Variants in MED13 observed in about 807,000 individuals in gnomAD.
The protein encoded by MED13 is mediator complex subunit 13.
Under a neutral mutation model 225.2 loss-of-function variants are expected in MED13, and 23 were observed. That is an observed-to-expected ratio of 0.10 (90% CI 0.07 to 0.14). The LOEUF (loss-of-function observed/expected upper bound fraction) is 0.14, where lower values mean the gene tolerates loss of function less well. MED13 is among the 10% of genes least tolerant of loss of function. The probability of loss-of-function intolerance (pLI) is 1.00; values close to 1 mark genes in which losing one functional copy is unlikely to be tolerated. For synonymous variants in MED13, 942 were observed against 889.2 expected, an observed-to-expected ratio of 1.06 and a Z score of -1.06; for missense variants, 2,197 against 2,594.5, an observed-to-expected ratio of 0.85 and a Z score of 3.33.
At chr17:61,953,206 A>G in intron 26 of MED13, 93 bp from the exon 27 acceptor site, 2 of 1,294,530 alleles carry the variant, frequency 1.5e-6, no homozygotes, top group East Asian at 2.5e-5. Flanking sequence ...AATTTTAACC[A>G]AAATGGGTTA....
chr17:62,021,778 G>A (rs773749463), intron 8 of MED13, among the ~76,000 whole-genome samples: 6 of 152,038 alleles, frequency 3.9e-5, no homozygotes, highest in African/African-American at 7.2e-5. Context: ...GATGTCACAC[G>A]TACTTAAATA....
rs78562575 is a variant in MED13 at position 61,980,700 on chromosome 17, T to C, written c.3805+1498A>G. 6.2e-3 allele frequency among the ~76,000 whole-genome samples: 949 copies of C among 152,290 alleles called. 10 individuals carry two copies. The highest frequency in any genetic ancestry group is 7.6e-3 in the Non-Finnish European group (516 of 68,024). ...CTGAAACTGCCTTCCAACTGATTTATCCTGCTTCTGTTCTCACTTTCACTA... is the reference window on the plus strand; with the variant it reads ...CTGAAACTGCCTTCCAACTGATTTACCCTGCTTCTGTTCTCACTTTCACTA... On this transcript the variant is annotated intron_variant, in intron 16 of 29. Coordinates refer to ENST00000397786, the MANE Select transcript of MED13 (RefSeq NM_005121.3).
intron 8 of MED13, among the ~76,000 whole-genome samples, chr17:62,020,857 C>T (rs1448458785): frequency 2.0e-5 from 3 of 151,906 alleles, no homozygotes; most frequent in Non-Finnish European, 4.4e-5. Context: ...GTTTGTGTCC[C>T]TGGGTACTTG....
At chr17:61,955,937 A>G in intron 24 of MED13, 99 bp from the exon 25 acceptor site, 1 of 1,375,844 alleles carries the variant, frequency 7.3e-7, no homozygotes, top group Non-Finnish European at 9.4e-7. Context: ...TAAAATATAA[A>G]AATAGTTAAT....
chr17:61,970,062 CAA>C (rs1180123502), intron 17 of MED13, among the ~76,000 whole-genome samples: 3 of 152,116 alleles, frequency 2.0e-5, no homozygotes, highest in South Asian at 4.1e-4. Context: ...TAATAGCAAA[CAA>C]TGATAATTCT....
intron 8 of MED13, among the ~76,000 whole-genome samples, chr17:62,013,692 G>C (rs1315823936): frequency 6.6e-6 from 1 of 152,188 alleles, no homozygotes; most frequent in Non-Finnish European, 1.5e-5. Context: ...AAAGAGGTCA[G>C]AGATTTCGGA....
At chr17:61,946,721 C>A in intron 29 of MED13, 121 bp from the exon 30 acceptor site, 1 of 1,281,838 alleles carries the variant, frequency 7.8e-7, no homozygotes, top group Non-Finnish European at 1.1e-6. Flanking sequence ...ACAGAGAGTC[C>A]TTGAGGGGAA....
At chr17:62,022,171 A>AT (rs1169985352) in intron 8 of MED13, among the ~76,000 whole-genome samples, 102 of 93,934 alleles carry the variant, frequency 1.1e-3, no homozygotes, top group African/African-American at 2.3e-3. Context: ...GTCTCAAAAA[A>AT]AAAATATATA....
At chr17:61,984,098 C>T in intron 15 of MED13, 73 bp downstream of exon 15, 3 of 1,114,372 alleles carry the variant, frequency 2.7e-6, no homozygotes, top group African/African-American at 3.2e-5. Context: ...TTCCAGCATA[C>T]CAGGTAAATC....
In MED13 at chr17:61,982,213, A is replaced by C; in HGVS notation, c.3790T>G (p.Trp1264Gly). 1 of 1,611,166 alleles carries C rather than the reference A, an allele frequency of 6.2e-7. No homozygotes were observed. The highest frequency in any genetic ancestry group is 8.5e-7 in the Non-Finnish European group (1 of 1,178,430). Residue 1264 changes from tryptophan to glycine, a missense_variant, in exon 16 of 30, where the codon TGG (tryptophan) becomes GGG (glycine). Physicochemically the swap from Trp to Gly is radical, Grantham distance 184. This residue lies in a region of MED13 where 203 missense variants were observed against 209.7 expected (regional missense o/e 0.97). Coordinates refer to ENST00000397786, the MANE Select transcript of MED13 (RefSeq NM_005121.3). ...ALVKSSCLHP[W>G]SKRNDVSMQC... The stretch of plus-strand genomic sequence containing the variant: ...CATACTTTACCGTTTCTTTTGGACC[A>C]GGGGTGTAAGCATGAACTTTTCACA...
intron 3 of MED13, among the ~76,000 whole-genome samples, chr17:62,037,118 T>C (rs1381428531): frequency 6.6e-6 from 1 of 152,100 alleles, no homozygotes; most frequent in Admixed American, 6.6e-5. Context: ...CCAGGCGCAG[T>C]GGCAGGTGCC....
intron 9 of MED13, among the ~76,000 whole-genome samples, chr17:62,009,085 A>C (rs2080482167): frequency 6.6e-6 from 1 of 152,220 alleles, no homozygotes; most frequent in South Asian, 2.1e-4. Flanking sequence ...AAGGAATCGT[A>C]ATCTTTGTAC....
intron 8 of MED13, among the ~76,000 whole-genome samples, chr17:62,025,548 T>C (rs2080693065): frequency 6.6e-6 from 1 of 152,140 alleles, no homozygotes; most frequent in Non-Finnish European, 1.5e-5. Context: ...CGCGTGCCTA[T>C]AGTCCTGGCT....
At chr17:61,949,060 C>T (rs1567936046) in intron 28 of MED13, among the ~76,000 whole-genome samples, 1 of 150,730 alleles carries the variant, frequency 6.6e-6, no homozygotes, top group Non-Finnish European at 1.5e-5. Flanking sequence ...TGCACTCCAG[C>T]CTGGGCGACA....
rs1306943687 is a variant in MED13 at position 61,943,873 on chromosome 17, A to G, written c.*2595T>C. 2.6e-5 allele frequency: 4 copies of G among 152,626 alleles called. No homozygotes were observed. Among genetic ancestry groups the G allele is most frequent in the Non-Finnish European group, 5.9e-5 (4 of 68,020 alleles). The allele number at this position is 152,626 out of a possible 1,614,324, so 9.5% of individuals were successfully genotyped here. ...AAAAAAAAGATGTTAGCACTGTAAC[A>G]AAGAAGTCAAGGTGTTGGTAATCCA... On this transcript the variant is annotated 3_prime_UTR_variant, in exon 30 of 30. Coordinates refer to ENST00000397786, the MANE Select transcript of MED13 (RefSeq NM_005121.3).
intron 8 of MED13, among the ~76,000 whole-genome samples, chr17:62,017,220 A>T (rs1054580100): frequency 9.8e-5 from 7 of 71,738 alleles, no homozygotes; most frequent in South Asian, 7.9e-4. Flanking sequence ...CTAAAATGCT[A>T]AAAAAAAAAA....
chr17:62,010,699 C>A lies in MED13; in HGVS notation c.1818G>T (p.Leu606Phe). The A allele has an allele frequency of 6.4e-7, 1 of 1,560,050 alleles. No homozygotes were observed. The highest frequency in any genetic ancestry group is 8.7e-7 in the Non-Finnish European group (1 of 1,151,784). Residue 606 changes from leucine to phenylalanine, a missense_variant, in exon 9 of 30, where the codon TTG (leucine) becomes TTT (phenylalanine). Leu to Phe is a conservative substitution (Grantham distance 22). Around this residue, in one of 12 missense-constraint regions of MED13, gnomAD observed 884 missense variants for 918.5 expected, o/e 0.96. Transcript: ENST00000397786. ...PTVYVGTAVNLEEDEANIAWK... is the reference protein window; with the variant it reads ...PTVYVGTAVNFEEDEANIAWK... ...AGGCTATATTGGCTTCATCTTCTTC[C>A]AAGTTTACTGCTGTACCAACATATA...
chr17:62,056,441 GA>G (rs1410710526), intron 2 of MED13, among the ~76,000 whole-genome samples: 1 of 152,130 alleles, frequency 6.6e-6, no homozygotes, highest in Non-Finnish European at 1.5e-5. Flanking sequence ...GAGCCTAATA[GA>G]AAAAGTCTGC....
intron 2 of MED13, among the ~76,000 whole-genome samples, chr17:62,061,370 AG>A (rs1437075154): frequency 6.9e-6 from 1 of 144,572 alleles, no homozygotes; most frequent in Non-Finnish European, 1.5e-5. Flanking sequence ...AAAGAAAAAA[AG>A]AAAAAAAAAA....
Sources: gnomAD v4.1 joint callset for allele counts (sites outside exome capture counted in the v4.1 genomes callset) on GRCh38, gnomAD v4.1.1 for gene constraint, gnomAD v4.1.1 regional missense constraint, MANE v1.5 for transcripts, NCBI Gene and HGNC (gene_info 2026-07-23, HGNC 2026-07-21) for gene names.